The following MNAT1 variants were observed in gnomAD, a reference collection of about 807,000 sequenced individuals.
MNAT1 encodes MNAT1 component of CDK activating kinase.
Under a neutral mutation model 42.0 loss-of-function variants are expected in MNAT1, and 43 were observed. The observed-to-expected ratio is 1.02, with a 90% confidence interval of 0.80 to 1.32. MNAT1 has a LOEUF of 1.32. Ranked by LOEUF, MNAT1 falls within the 40% of genes most tolerant of loss-of-function variation. MNAT1 has a pLI of 0.00. For missense variants in MNAT1, 306 were observed against 350.4 expected (o/e 0.87, Z 1.01); for synonymous variants, 118 against 120.0 (o/e 0.98, Z 0.11).
chr14:60,783,893 G>A (rs972888422), intron 1 of MNAT1, among the ~76,000 whole-genome samples: 3 of 152,058 alleles, frequency 2.0e-5, no homozygotes, highest in Non-Finnish European at 2.9e-5. Flanking sequence ...GCAGTGGTGC[G>A]ATCACAGCTA....
At chr14:60,896,433 G>A (rs8003622) in intron 7 of MNAT1, among the ~76,000 whole-genome samples, 138,236 of 152,172 alleles carry the variant, frequency 0.91, 63,621 homozygotes, top group Non-Finnish European at 0.99. Context: ...CAAATCATGA[G>A]CATTTGTGAC....
chr14:60,931,197 A>G (rs1373882264), intron 7 of MNAT1, among the ~76,000 whole-genome samples: 2 of 152,156 alleles, frequency 1.3e-5, no homozygotes, highest in Non-Finnish European at 2.9e-5. Context: ...GAAAATTCCA[A>G]GGTTTTTGGC....
chr14:60,954,915 A>C (rs1204307619), intron 7 of MNAT1, among the ~76,000 whole-genome samples: 1 of 152,048 alleles, frequency 6.6e-6, no homozygotes, highest in African/African-American at 2.4e-5. Context: ...ATTTGTTGAT[A>C]GTTTTTATCA....
intron 6 of MNAT1, among the ~76,000 whole-genome samples, chr14:60,872,590 T>G (rs1036213332): frequency 2.0e-5 from 3 of 152,120 alleles, no homozygotes; most frequent in Non-Finnish European, 2.9e-5. Context: ...ATCACTAAAA[T>G]AGCTACCGAC....
At chr14:60,823,254 T>G (rs540298950) in intron 6 of MNAT1, among the ~76,000 whole-genome samples, 4 of 152,344 alleles carry the variant, frequency 2.6e-5, no homozygotes, top group Admixed American at 2.6e-4. Flanking sequence ...TCCCTTTAGC[T>G]ATCCCTGAAT....
chr14:60,882,479 T>C, intron 7 of MNAT1, among the ~76,000 whole-genome samples: 1 of 152,194 alleles, frequency 6.6e-6, no homozygotes, highest in East Asian at 1.9e-4. Flanking sequence ...TATTCAGTCA[T>C]CTGTTGATGG....
intron 7 of MNAT1, among the ~76,000 whole-genome samples, chr14:60,926,919 AAAC>A (rs2139562444): frequency 6.6e-6 from 1 of 152,216 alleles, no homozygotes; most frequent in African/African-American, 2.4e-5. Flanking sequence ...TGCTTCCTTC[AAAC>A]AAAAGATGCT....
chr14:60,779,615 G>A (rs1423008524), intron 1 of MNAT1, among the ~76,000 whole-genome samples: 2 of 151,868 alleles, frequency 1.3e-5, no homozygotes, highest in Non-Finnish European at 2.9e-5. Context: ...GTGAGACCCC[G>A]TCTCCACTAA....
At chr14:60,921,762 T>G (rs1390190139) in intron 7 of MNAT1, among the ~76,000 whole-genome samples, 6 of 152,204 alleles carry the variant, frequency 3.9e-5, no homozygotes. Flanking sequence ...TTGTTTCTCT[T>G]TATAACTGGT....
chr14:60,776,635 G>T (rs1277555679), intron 1 of MNAT1, among the ~76,000 whole-genome samples: 1 of 152,138 alleles, frequency 6.6e-6, no homozygotes, highest in Non-Finnish European at 1.5e-5. Flanking sequence ...TGGGATTCCA[G>T]AACTAGTATC....
At chr14:60,933,431 A>T (rs959667478) in intron 7 of MNAT1, among the ~76,000 whole-genome samples, 1 of 152,158 alleles carries the variant, frequency 6.6e-6, no homozygotes, top group African/African-American at 2.4e-5. Context: ...TTTTGAAGCA[A>T]ACAAAGTAGC....
At chr14:60,804,159 G>A (rs1016833993) in intron 3 of MNAT1, among the ~76,000 whole-genome samples, 3 of 152,270 alleles carry the variant, frequency 2.0e-5, no homozygotes, top group South Asian at 2.1e-4. Flanking sequence ...AAATCTTTCA[G>A]AAAATACAAT....
At chr14:60,782,501 A>G (rs1263833335) in intron 1 of MNAT1, among the ~76,000 whole-genome samples, 1 of 151,966 alleles carries the variant, frequency 6.6e-6, no homozygotes, top group African/African-American at 2.4e-5. Flanking sequence ...AATTCAACCT[A>G]TTTCTTGAAT....
At chr14:60,900,051 T>TCTCC (rs1377652055) in intron 7 of MNAT1, among the ~76,000 whole-genome samples, 5 of 133,196 alleles carry the variant, frequency 3.8e-5, no homozygotes, top group Non-Finnish European at 8.3e-5. Flanking sequence ...TTTCCCCATC[T>TCTCC]CTCTCTCTCT....
intron 6 of MNAT1, among the ~76,000 whole-genome samples, chr14:60,873,295 A>AT (rs1264043125): frequency 1.3e-5 from 2 of 150,150 alleles, no homozygotes; most frequent in Admixed American, 6.6e-5. Context: ...TTTTTTTCTG[A>AT]TTTTTTCTCT....
At chr14:60,880,780 AT>A (rs774020421) in intron 7 of MNAT1, among the ~76,000 whole-genome samples, 50 of 152,248 alleles carry the variant, frequency 3.3e-4, no homozygotes, top group Admixed American at 1.4e-3. Context: ...TTAAGGCTAA[AT>A]TTTATTCAGT....
intron 6 of MNAT1, among the ~76,000 whole-genome samples, chr14:60,825,928 C>G (rs997352163): frequency 4.6e-5 from 7 of 151,892 alleles, no homozygotes; most frequent in Non-Finnish European, 7.4e-5. Context: ...GGAGAGGAAC[C>G]AAGGAAGGAT....
Position 60,912,041 on chromosome 14 carries a change from C to G in MNAT1, c.809+32206C>G, listed in dbSNP as rs2035382910. On this transcript the variant is annotated intron_variant, in intron 7 of 7. Transcript: ENST00000261245. ...GCATATATATTTAGGATAGTTAGCT[C>G]TTCTTGTTGAATTGATCCCTTTACC... 4.0e-5 allele frequency among the ~76,000 whole-genome samples: 6 copies of G among 151,726 alleles called. No homozygotes were observed. In the South Asian group the frequency reaches 1.2e-3, roughly 32 times the overall value.
intron 7 of MNAT1, among the ~76,000 whole-genome samples, chr14:60,881,752 C>G (rs2034556503): frequency 1.3e-5 from 2 of 151,944 alleles, no homozygotes; most frequent in South Asian, 2.1e-4. Flanking sequence ...ATGGTATATC[C>G]ATTACCTCAA....
Sources: gnomAD v4.1 joint callset for allele counts (sites outside exome capture counted in the v4.1 genomes callset) on GRCh38, gnomAD v4.1.1 for gene constraint, MANE v1.5 for transcripts, NCBI Gene and HGNC (gene_info 2026-07-23, HGNC 2026-07-21) for gene names.